The following ATP10B variants were observed in gnomAD, a reference collection of about 807,000 sequenced individuals.
ATP10B encodes ATPase phospholipid transporting 10B (putative).
Under a neutral mutation model 141.2 loss-of-function variants are expected in ATP10B, and 122 were observed. That is an observed-to-expected ratio of 0.86 (90% confidence interval 0.75 to 1.00). The LOEUF is 1.00. Ranked by LOEUF, ATP10B falls within the 50% of genes least tolerant of loss-of-function variation. The pLI, the probability that ATP10B is intolerant of heterozygous loss-of-function variation, is 0.00. For synonymous variants in ATP10B, 685 were observed against 692.0 expected (o/e 0.99, Z 0.16); for missense variants, 1,876 against 1,825.3 (o/e 1.03, Z -0.51).
At chr5:160,799,592 A>G (rs1369924021) in intron 1 of ATP10B, among the ~76,000 whole-genome samples, 1 of 152,148 alleles carries the variant, frequency 6.6e-6, no homozygotes, top group African/African-American at 2.4e-5. Context: ...AATTCTCAAC[A>G]CCACTTCAGT....
the ATP10B span, among the ~76,000 whole-genome samples, chr5:160,883,380 A>C: frequency 2.6e-5 from 4 of 152,196 alleles, no homozygotes; most frequent in Non-Finnish European, 5.9e-5. Context: ...GGCTGAGACT[A>C]AATGTCATGT....
rs567287990 is a variant in ATP10B, at chr5:160,575,704, TA to T, written c.3751-6022del. On this transcript the variant is annotated intron_variant, in intron 24 of 25. Transcript: ENST00000327245. ...AAAAGAAAACAATGGATTAAACAAA[TA>T]AAAAAAAACCCCTAAATAGCCACAG... Among the ~76,000 whole-genome samples the T allele has an allele frequency of 7.3e-4, 111 of 151,288 alleles. 1 individual carries two copies. Among genetic ancestry groups the T allele is most frequent in the African/African-American group, 2.4e-3 (97 of 41,274 alleles).
chr5:160,703,724 C>T (rs1483933298), intron 3 of ATP10B, among the ~76,000 whole-genome samples: 1 of 152,138 alleles, frequency 6.6e-6, no homozygotes, highest in Non-Finnish European at 1.5e-5. Flanking sequence ...CTTGGCCTCC[C>T]ATAGTGCTGG....
intron 2 of ATP10B, among the ~76,000 whole-genome samples, chr5:160,749,878 C>T (rs1184015063): frequency 2.0e-5 from 3 of 152,214 alleles, no homozygotes; most frequent in Non-Finnish European, 2.9e-5. Flanking sequence ...CTTCATGGCA[C>T]TCTACCATGT....
At chr5:160,724,738 G>A (rs941683573) in intron 2 of ATP10B, among the ~76,000 whole-genome samples, 6 of 152,156 alleles carry the variant, frequency 3.9e-5, no homozygotes, top group African/African-American at 1.2e-4. Context: ...GATTACCTCT[G>A]TCTTGATACC....
intron 2 of ATP10B, among the ~76,000 whole-genome samples, chr5:160,775,676 A>ATTTTTTTTT (rs10642787): frequency 3.4e-5 from 4 of 116,818 alleles, no homozygotes; most frequent in African/African-American, 6.5e-5. Context: ...CAAGTTTCAG[A>ATTTTTTTTT]TTTTTTTTTT....
At chr5:160,677,757 A>G (rs1763122708) in intron 6 of ATP10B, among the ~76,000 whole-genome samples, 2 of 152,256 alleles carry the variant, frequency 1.3e-5, no homozygotes, top group Admixed American at 6.5e-5. Context: ...CAGCAACCCC[A>G]GAATATACTT....
the ATP10B span, among the ~76,000 whole-genome samples, chr5:160,883,320 A>T: frequency 2.6e-5 from 4 of 152,186 alleles, no homozygotes; most frequent in Non-Finnish European, 5.9e-5. Flanking sequence ...TGGTTACAAA[A>T]ATTATAGCAA....
intron 9 of ATP10B, among the ~76,000 whole-genome samples, chr5:160,641,341 G>A (rs1442169948): frequency 9.2e-5 from 14 of 152,208 alleles, no homozygotes; most frequent in Admixed American, 9.2e-4. Flanking sequence ...TGTTGGTGTT[G>A]CCTGAGCAAG....
intron 24 of ATP10B, among the ~76,000 whole-genome samples, chr5:160,587,273 T>C (rs1041196467): frequency 1.3e-5 from 2 of 152,198 alleles, no homozygotes; most frequent in Admixed American, 6.5e-5. Flanking sequence ...TGTAGGTGTG[T>C]GGTGTTATTT....
At chr5:160,807,283 G>T (rs1772841916) in intron 1 of ATP10B, among the ~76,000 whole-genome samples, 1 of 152,186 alleles carries the variant, frequency 6.6e-6, no homozygotes, top group Non-Finnish European at 1.5e-5. Context: ...TGAGGGGCAA[G>T]GAAGGAGGGA....
rs1350535584 is a variant in ATP10B at position 160,740,188 on chromosome 5, C to G, written c.-330-23154G>C. On this transcript the variant is annotated intron_variant, in intron 2 of 25. Transcript: ENST00000327245. Reference sequence around the variant, plus strand: ...CCAGAGGCAATCCAGTTTTAACTATCTGGGGTTGTGAAAAATAAAATCATG... The same window carrying G: ...CCAGAGGCAATCCAGTTTTAACTATGTGGGGTTGTGAAAAATAAAATCATG... 3.3e-5 allele frequency among the ~76,000 whole-genome samples: 5 copies of G among 152,146 alleles called. No homozygotes were observed. The East Asian group carries it at 5.8e-4, about 18-fold the overall frequency.
At chr5:160,883,428 A>C in the ATP10B span, among the ~76,000 whole-genome samples, 1 of 152,134 alleles carries the variant, frequency 6.6e-6, no homozygotes, top group African/African-American at 2.4e-5. Flanking sequence ...GAGTTTTATT[A>C]ACCCTGAAAA....
intron 6 of ATP10B, among the ~76,000 whole-genome samples, chr5:160,675,118 C>T (rs1184474364): frequency 1.3e-5 from 2 of 152,280 alleles, no homozygotes; most frequent in East Asian, 3.9e-4. Flanking sequence ...CAGGGGAGAC[C>T]AGCAGCTGGC....
chr5:160,573,033 T>C (rs1356129866), intron 24 of ATP10B, among the ~76,000 whole-genome samples: 1 of 152,252 alleles, frequency 6.6e-6, no homozygotes, highest in Non-Finnish European at 1.5e-5. Flanking sequence ...TTATCATATA[T>C]GTATCCTTCT....
chr5:160,870,601 C>T, the ATP10B span, among the ~76,000 whole-genome samples: 3 of 151,796 alleles, frequency 2.0e-5, no homozygotes, highest in Admixed American at 6.6e-5. Flanking sequence ...ACGTAACATA[C>T]AAATGATGGA....
chr5:160,818,715 C>A (rs1054657648), intron 1 of ATP10B, among the ~76,000 whole-genome samples: 11 of 152,146 alleles, frequency 7.2e-5, no homozygotes, highest in African/African-American at 2.7e-4. Context: ...TTTATTGTGG[C>A]ACTATTCACA....
At chr5:160,834,508 C>A (rs1234187909) in intron 1 of ATP10B, among the ~76,000 whole-genome samples, 1 of 152,036 alleles carries the variant, frequency 6.6e-6, no homozygotes, top group African/African-American at 2.4e-5. Flanking sequence ...ATTAATGGAT[C>A]TGTACAAAAG....
intron 1 of ATP10B, among the ~76,000 whole-genome samples, chr5:160,792,866 C>T (rs74728220): frequency 0.012 from 1,855 of 152,178 alleles, 39 homozygotes; most frequent in African/African-American, 0.039. Context: ...AGGAGGGTGA[C>T]GTTAACCCTA....
Sources: gnomAD v4.1 joint callset for allele counts (sites outside exome capture counted in the v4.1 genomes callset) on GRCh38, gnomAD v4.1.1 for gene constraint, MANE v1.5 for transcripts, NCBI Gene and HGNC (gene_info 2026-07-23, HGNC 2026-07-21) for gene names.